Variants in PTPRT observed in about 807,000 individuals in gnomAD.
PTPRT encodes the protein protein tyrosine phosphatase receptor type T, also known as receptor-type tyrosine-protein phosphatase T.
Under a neutral mutation model 176.8 loss-of-function variants are expected in PTPRT, and 56 were observed. The observed-to-expected ratio is 0.32, with a 90% confidence interval of 0.26 to 0.40. The LOEUF (loss-of-function observed/expected upper bound fraction) is 0.40, where lower values mean the gene tolerates loss of function less well. PTPRT is among the 10% of genes least tolerant of loss of function. PTPRT has a pLI of 1.00. For synonymous variants in PTPRT, 783 were observed against 739.0 expected (o/e 1.06, Z -0.96); for missense variants, 1,540 against 1,908.2 (o/e 0.81, Z 3.60).
chr20:42,805,552 T>A (rs2145599375), intron 2 of PTPRT, among the ~76,000 whole-genome samples: 1 of 152,268 alleles, frequency 6.6e-6, no homozygotes, highest in Non-Finnish European at 1.5e-5. Context: ...AGATACTTCA[T>A]CAGAGACAGT....
rs567152316 is a variant in PTPRT at position 42,991,178 on chromosome 20, G to C, written c.89-105246C>G. Reference sequence around the variant, plus strand: ...GTTAAGGGTTGTAGTTACATTTATCGTGTAAAAATGCACCCTCAAGGGACT... The same window carrying C: ...GTTAAGGGTTGTAGTTACATTTATCCTGTAAAAATGCACCCTCAAGGGACT... On this transcript the variant is annotated intron_variant, in intron 1 of 30. Transcript: ENST00000373187. 5.3e-5 allele frequency among the ~76,000 whole-genome samples: 8 copies of C among 152,218 alleles called. No individual in the cohort carries two copies. The East Asian group carries it at 7.7e-4, about 15-fold the overall frequency.
intron 7 of PTPRT, among the ~76,000 whole-genome samples, chr20:42,666,206 T>A (rs1428312975): frequency 6.6e-6 from 1 of 152,224 alleles, no homozygotes; most frequent in Non-Finnish European, 1.5e-5. Context: ...GGACCTGTTA[T>A]GAAAATTCCA....
intron 1 of PTPRT, among the ~76,000 whole-genome samples, chr20:43,098,436 G>A (rs886898376): frequency 1.3e-5 from 2 of 152,202 alleles, no homozygotes; most frequent in African/African-American, 2.4e-5. Flanking sequence ...AACAGAGTAC[G>A]TAGAATATTA....
At chr20:42,201,192 G>T (rs1216108603) in intron 15 of PTPRT, among the ~76,000 whole-genome samples, 1 of 152,130 alleles carries the variant, frequency 6.6e-6, no homozygotes, top group Non-Finnish European at 1.5e-5. Context: ...GTGCTACTCA[G>T]CAGGCTGAGG....
chr20:42,107,867 C>T (rs1005472782), intron 23 of PTPRT, among the ~76,000 whole-genome samples: 7 of 152,310 alleles, frequency 4.6e-5, no homozygotes, highest in Middle Eastern at 3.4e-3. Context: ...CAGGCCAGTG[C>T]GGACCACTAC....
intron 30 of PTPRT, among the ~76,000 whole-genome samples, chr20:42,081,135 G>T: frequency 6.6e-6 from 1 of 152,166 alleles, no homozygotes. Context: ...AAGCTTCCTC[G>T]AATGCCCAGC....
chr20:42,368,320 G>C (rs1237540323), intron 9 of PTPRT, among the ~76,000 whole-genome samples: 1 of 152,196 alleles, frequency 6.6e-6, no homozygotes, highest in South Asian at 2.1e-4. Flanking sequence ...AATCTCAGGA[G>C]TGTGGACCTT....
intron 6 of PTPRT, among the ~76,000 whole-genome samples, chr20:42,725,553 T>C (rs955291586): frequency 6.6e-6 from 1 of 152,078 alleles, no homozygotes; most frequent in African/African-American, 2.4e-5. Flanking sequence ...TGTTTGTGCA[T>C]GCAAAGCAGC....
intron 7 of PTPRT, among the ~76,000 whole-genome samples, chr20:42,478,231 C>T (rs572962549): frequency 1.8e-4 from 28 of 152,234 alleles, no homozygotes; most frequent in African/African-American, 6.7e-4. Flanking sequence ...GAAGGGGCCA[C>T]GGGCTGACAT....
At chr20:43,073,111 A>G (rs1423261196) in intron 1 of PTPRT, among the ~76,000 whole-genome samples, 1 of 152,234 alleles carries the variant, frequency 6.6e-6, no homozygotes, top group Non-Finnish European at 1.5e-5. Flanking sequence ...TTACACTGCA[A>G]AATACTAGCT....
At chr20:43,117,165 T>TTTTTTTTTTTTTTTTTGA (rs2013091895) in intron 1 of PTPRT, among the ~76,000 whole-genome samples, 1 of 152,184 alleles carries the variant, frequency 6.6e-6, no homozygotes, top group Non-Finnish European at 1.5e-5. Context: ...TATATTTTAT[T>TTTTTTTTTTTTTTTTTGA]GGCTTAAGCA....
chr20:42,962,686 G>A (rs898377574), intron 1 of PTPRT, among the ~76,000 whole-genome samples: 2 of 152,170 alleles, frequency 1.3e-5, no homozygotes, highest in African/African-American at 4.8e-5. Flanking sequence ...AAGCAGAAAA[G>A]TATTTACAAA....
intron 26 of PTPRT, among the ~76,000 whole-genome samples, chr20:42,099,641 G>T (rs948427960): frequency 6.6e-6 from 1 of 150,730 alleles, no homozygotes; most frequent in African/African-American, 2.4e-5. Context: ...AGATTGGGAA[G>T]ATTCTCCACT....
chr20:42,286,589 G>A (rs1037177462), intron 12 of PTPRT, among the ~76,000 whole-genome samples: 9 of 151,584 alleles, frequency 5.9e-5, no homozygotes, highest in African/African-American at 2.2e-4. Context: ...AACTCAAAAT[G>A]GATAAGAGAC....
intron 16 of PTPRT, among the ~76,000 whole-genome samples, chr20:42,162,547 C>T (rs1181636609): frequency 2.6e-5 from 4 of 152,194 alleles, no homozygotes; most frequent in African/African-American, 9.6e-5. Context: ...TTCCCAGAAC[C>T]ATCTAGGCTT....
intron 2 of PTPRT, among the ~76,000 whole-genome samples, chr20:42,814,606 T>G (rs1477813496): frequency 6.6e-6 from 1 of 152,216 alleles, no homozygotes; most frequent in African/African-American, 2.4e-5. Context: ...AGGAATCACG[T>G]AGCACATTCC....
rs556605564 is a variant in PTPRT, at chr20:42,904,195, T to A, written c.89-18263A>T. 2.0e-5 allele frequency among the ~76,000 whole-genome samples: 3 copies of A among 152,306 alleles called. No homozygotes were observed. In the East Asian group the frequency reaches 5.8e-4, roughly 29 times the overall value. On this transcript the variant is annotated intron_variant, in intron 1 of 30. Transcript: ENST00000373187. Reference sequence around the variant, plus strand: ...TTCCAGCTCTACGCACATTTTTTTTTAATCTGCAAAGGACCAATGCAGATG... The same window carrying A: ...TTCCAGCTCTACGCACATTTTTTTTAAATCTGCAAAGGACCAATGCAGATG...
chr20:42,210,614 A>G (rs954002977), intron 15 of PTPRT, among the ~76,000 whole-genome samples: 3 of 151,040 alleles, frequency 2.0e-5, no homozygotes, highest in African/African-American at 4.9e-5. Context: ...CTTCAAGGAG[A>G]ACTACAAACC....
chr20:42,537,748 G>T (rs1315207166), intron 7 of PTPRT, among the ~76,000 whole-genome samples: 2 of 152,160 alleles, frequency 1.3e-5, no homozygotes, highest in African/African-American at 4.8e-5. Flanking sequence ...TGGCATCACG[G>T]TCCAGCGAGA....
Sources: gnomAD v4.1 joint callset for allele counts (sites outside exome capture counted in the v4.1 genomes callset) on GRCh38, gnomAD v4.1.1 for gene constraint, MANE v1.5 for transcripts, NCBI Gene and HGNC (gene_info 2026-07-23, HGNC 2026-07-21) for gene names.